The following LRRTM4 variants were observed in gnomAD, a reference collection of about 807,000 sequenced individuals.
The protein encoded by LRRTM4 is leucine-rich repeat transmembrane neuronal protein 4.
In LRRTM4, 25 loss-of-function variants were observed where a neutral mutation model predicts 47.6. That is an observed-to-expected ratio of 0.53 (90% CI 0.38 to 0.73). LRRTM4 has a LOEUF of 0.73. LRRTM4 is among the 30% of genes least tolerant of loss of function. LRRTM4 has a pLI of 0.00. For missense variants in LRRTM4, 638 were observed against 713.4 expected, an observed-to-expected ratio of 0.89 and a Z score of 1.20; for synonymous variants, 311 against 269.5, an observed-to-expected ratio of 1.15 and a Z score of -1.51.
chr2:77,015,492 A>G (rs59645157), intron 3 of LRRTM4, among the ~76,000 whole-genome samples: 24,720 of 151,626 alleles, frequency 0.16, 5,532 homozygotes, highest in African/African-American at 0.5. Context: ...TGCCCAGCCA[A>G]TTTTTGTACT....
chr2:76,930,690 C>T (rs774781747), intron 3 of LRRTM4, among the ~76,000 whole-genome samples: 17 of 152,080 alleles, frequency 1.1e-4, no homozygotes, highest in South Asian at 2.1e-4. Flanking sequence ...GATGTGGAAT[C>T]AGAGGGCCAG....
chr2:76,896,953 T>G (rs146122010), intron 3 of LRRTM4, among the ~76,000 whole-genome samples: 14 of 151,668 alleles, frequency 9.2e-5, no homozygotes, highest in South Asian at 2.1e-4. Context: ...ACAGGGAAAT[T>G]AGAAGAAATC....
At chr2:77,394,005 C>G (rs1673604420) in intron 3 of LRRTM4, among the ~76,000 whole-genome samples, 1 of 151,604 alleles carries the variant, frequency 6.6e-6, no homozygotes, top group South Asian at 2.1e-4. Flanking sequence ...ACCATGTGTC[C>G]TATATTTAAC....
intron 3 of LRRTM4, among the ~76,000 whole-genome samples, chr2:77,471,379 C>T (rs796436588): frequency 6.6e-6 from 1 of 152,126 alleles, no homozygotes; most frequent in South Asian, 2.1e-4. Flanking sequence ...TTATAATAAG[C>T]TCTGGAATAA....
At chr2:77,061,145 T>G (rs1487379626) in intron 3 of LRRTM4, among the ~76,000 whole-genome samples, 2 of 151,860 alleles carry the variant, frequency 1.3e-5, no homozygotes, top group Non-Finnish European at 2.9e-5. Flanking sequence ...ATCTATAAAA[T>G]GAGTTGATTT....
chr2:77,113,434 C>T (rs1671303962), intron 3 of LRRTM4, among the ~76,000 whole-genome samples: 1 of 152,116 alleles, frequency 6.6e-6, no homozygotes, highest in Non-Finnish European at 1.5e-5. Flanking sequence ...ATTTGTACAC[C>T]TTGAGCATTA....
chr2:77,406,628 A>T (rs1674199506), intron 3 of LRRTM4, among the ~76,000 whole-genome samples: 1 of 152,044 alleles, frequency 6.6e-6, no homozygotes, highest in South Asian at 2.1e-4. Context: ...GTAATATTAA[A>T]GTTAGTGGAA....
At chr2:76,852,142 C>T (rs901434957) in intron 3 of LRRTM4, among the ~76,000 whole-genome samples, 1 of 152,102 alleles carries the variant, frequency 6.6e-6, no homozygotes, top group South Asian at 2.1e-4. Context: ...TCACAACAAC[C>T]ATATTGAAAA....
chr2:77,159,781 G>T (rs909816702), intron 3 of LRRTM4, among the ~76,000 whole-genome samples: 42 of 151,618 alleles, frequency 2.8e-4, no homozygotes, highest in African/African-American at 9.0e-4. Context: ...CATGATTTCT[G>T]TATGACTTTT....
intron 3 of LRRTM4, among the ~76,000 whole-genome samples, chr2:76,801,599 G>A (rs940435583): frequency 6.6e-6 from 1 of 151,918 alleles, no homozygotes; most frequent in African/African-American, 2.4e-5. Flanking sequence ...CACCAGCATG[G>A]CACATATATA....
rs111490311 is a variant in LRRTM4, at chr2:77,086,409, A to AGTGTGTGTGTGTGTGTGT, written c.1552-337494_1552-337493insACACACACACACACACAC. 9.3e-5 allele frequency among the ~76,000 whole-genome samples: 14 copies of AGTGTGTGTGTGTGTGTGT among 150,718 alleles called. No homozygotes were observed. In the East Asian group the frequency reaches 9.9e-4, roughly 11 times the overall value. On this transcript the variant is annotated intron_variant, in intron 3 of 3. Coordinates refer to ENST00000409884, the MANE Select transcript of LRRTM4 (RefSeq NM_001134745.3). ...TATTTTTTACTTTTTAAACATTTTT[A>AGTGTGTGTGTGTGTGTGT]GTGTGTGTATGTGTGTGTATGTGTG...
At chr2:76,877,265 T>G (rs1420038823) in intron 3 of LRRTM4, among the ~76,000 whole-genome samples, 3 of 152,136 alleles carry the variant, frequency 2.0e-5, no homozygotes, top group African/African-American at 7.2e-5. Flanking sequence ...ACTTTATTAG[T>G]TAACATTTCC....
At chr2:77,155,551 GAAT>G (rs966326952) in intron 3 of LRRTM4, among the ~76,000 whole-genome samples, 4 of 151,318 alleles carry the variant, frequency 2.6e-5, no homozygotes, top group Non-Finnish European at 5.9e-5. Flanking sequence ...TAGAAACTTT[GAAT>G]AATATTATAT....
chr2:77,220,844 A>T (rs1310589917), intron 3 of LRRTM4, among the ~76,000 whole-genome samples: 1 of 152,196 alleles, frequency 6.6e-6, no homozygotes, highest in Admixed American at 6.5e-5. Context: ...AAATTCAGGA[A>T]ATACAGAGAA....
intron 3 of LRRTM4, among the ~76,000 whole-genome samples, chr2:76,764,145 C>G (rs1673363318): frequency 6.6e-6 from 1 of 152,170 alleles, no homozygotes; most frequent in South Asian, 2.1e-4. Context: ...ATTCTCCTGA[C>G]TGCCTATAGT....
At chr2:77,068,981 T>C (rs545622323) in intron 3 of LRRTM4, among the ~76,000 whole-genome samples, 6 of 152,174 alleles carry the variant, frequency 3.9e-5, no homozygotes, top group Non-Finnish European at 8.8e-5. Flanking sequence ...TGCAGATATC[T>C]AGCCAGACCC....
intron 3 of LRRTM4, among the ~76,000 whole-genome samples, chr2:77,192,057 A>C (rs190775250): frequency 1.3e-5 from 2 of 152,264 alleles, no homozygotes; most frequent in East Asian, 1.9e-4. Context: ...ATGTATGTAA[A>C]GCTACAATTT....
chr2:76,871,329 G>C (rs535154598), intron 3 of LRRTM4, among the ~76,000 whole-genome samples: 4 of 152,240 alleles, frequency 2.6e-5, no homozygotes, highest in Non-Finnish European at 5.9e-5. Flanking sequence ...ATAATGGAAA[G>C]AGCATAAATG....
intron 3 of LRRTM4, among the ~76,000 whole-genome samples, chr2:76,900,380 C>CA (rs1673582587): frequency 6.7e-6 from 1 of 150,104 alleles, no homozygotes; most frequent in African/African-American, 2.5e-5. Flanking sequence ...TCAAAGGTTT[C>CA]AAAACTTCAT....
Sources: allele counts gnomAD v4.1 joint callset (sites outside exome capture counted in the v4.1 genomes callset), GRCh38; gene constraint gnomAD v4.1.1; transcripts MANE v1.5; gene names NCBI Gene and HGNC (gene_info 2026-07-23, HGNC 2026-07-21).